The following MYLK variants were observed in gnomAD, a reference collection of about 807,000 sequenced individuals.
MYLK encodes the protein myosin light chain kinase, smooth muscle.
A neutral mutation model predicts 203.4 loss-of-function variants in MYLK; 106 were observed. That is an observed-to-expected ratio of 0.52 (90% CI 0.45 to 0.61). The LOEUF is 0.61. Ranked by LOEUF, MYLK falls within the 20% of genes least tolerant of loss-of-function variation. The probability of loss-of-function intolerance (pLI) is 0.00; values close to 1 mark genes in which losing one functional copy is unlikely to be tolerated. For missense variants in MYLK, 2,072 were observed against 2,442.3 expected (o/e 0.85, Z 3.20); for synonymous variants, 867 against 959.5 (o/e 0.90, Z 1.78).
chr3:123,875,390 AT>A (rs1370427787), intron 2 of MYLK, among the ~76,000 whole-genome samples: 3 of 152,194 alleles, frequency 2.0e-5, no homozygotes, highest in Non-Finnish European at 4.4e-5. Flanking sequence ...CCATGACTCC[AT>A]TTATATGACA....
At chr3:123,881,710 CAT>C (rs2033552502) in intron 1 of MYLK, among the ~76,000 whole-genome samples, 1 of 152,126 alleles carries the variant, frequency 6.6e-6, no homozygotes, top group Non-Finnish European at 1.5e-5. Flanking sequence ...ACTCTAGGCT[CAT>C]CTTATATTTT....
At position 123,700,383 on chromosome 3, in the gene MYLK, C is replaced by T. The variant is rs1302330903; in HGVS notation, c.3085G>A (p.Ala1029Thr). 4 of 1,613,628 alleles carry T rather than the reference C, an allele frequency of 2.5e-6. No individual in the cohort carries two copies. The highest frequency in any genetic ancestry group is 2.2e-5 in the East Asian group (1 of 44,844). The change falls in exon 18 of 34, where the codon GCC (alanine) becomes ACC (threonine). Residue 1029 changes from alanine to threonine, a missense_variant. By Grantham distance (58) the Ala-to-Thr change is moderately conservative. Transcript: ENST00000360304. ...GGCTTCAGGGTCTCAGCAGGCTTGGCGTTGCCCACGGGTTTCAAGGGCCCT... is the reference window on the plus strand; with the variant it reads ...GGCTTCAGGGTCTCAGCAGGCTTGGTGTTGCCCACGGGTTTCAAGGGCCCT... ...PSGPLKPVGN[A>T]KPAETLKPMG...
At chr3:123,866,898 G>A (rs1359875708) in intron 2 of MYLK, among the ~76,000 whole-genome samples, 3 of 152,152 alleles carry the variant, frequency 2.0e-5, no homozygotes, top group African/African-American at 7.2e-5. Context: ...AGGCCATGGT[G>A]TTCCAGGTAG....
intron 33 of MYLK, among the ~76,000 whole-genome samples, chr3:123,615,534 A>C (rs2057432690): frequency 6.6e-6 from 1 of 151,746 alleles, no homozygotes; most frequent in South Asian, 2.1e-4. Flanking sequence ...GGGTTTCAGC[A>C]TGTTGACCAG....
At chr3:123,766,910 T>C (rs942916076) in intron 4 of MYLK, among the ~76,000 whole-genome samples, 1 of 152,216 alleles carries the variant, frequency 6.6e-6, no homozygotes, top group African/African-American at 2.4e-5. Flanking sequence ...GGTTGTTCTC[T>C]GGGTATTTGT....
chr3:123,718,547 G>C (rs910205416), intron 13 of MYLK, among the ~76,000 whole-genome samples: 2 of 152,194 alleles, frequency 1.3e-5, no homozygotes, highest in African/African-American at 4.8e-5. Flanking sequence ...AGAGGCTGCT[G>C]TCTTGCTACT....
chr3:123,695,903 T>G (rs951430740), intron 18 of MYLK, among the ~76,000 whole-genome samples: 3 of 151,956 alleles, frequency 2.0e-5, no homozygotes, highest in African/African-American at 7.3e-5. Flanking sequence ...CCACCACCCC[T>G]CAGCAGAGGC....
chr3:123,667,273 A>C, intron 20 of MYLK, 86 bp from the exon 21 acceptor site: 1 of 1,292,296 alleles, frequency 7.7e-7, no homozygotes, highest in Non-Finnish European at 1.1e-6. Context: ...AGTCTTGTCC[A>C]CTGGCCCCTC....
In MYLK at chr3:123,870,639, T is replaced by G. The variant is rs560305818; in HGVS notation, c.-127+5920A>C. Among the ~76,000 whole-genome samples the G allele has an allele frequency of 2.8e-4, 43 of 152,362 alleles. 1 individual carries two copies. The highest frequency in any genetic ancestry group is 6.8e-3 in the Middle Eastern group (2 of 294). On this transcript the variant is annotated intron_variant, in intron 2 of 33. Transcript: ENST00000360304. ...AATGTAATTCACCACATTAGTAGAC[T>G]AAAGCAGGTAGGTGTAGGCAAACTA...
Position 123,733,920 on chromosome 3 carries a change from G to A in MYLK, c.1076C>T (p.Pro359Leu). The change falls in exon 10 of 34, where the codon CCA becomes CTA. Residue 359 changes from proline to leucine, a missense_variant. Physicochemically the swap from Pro to Leu is moderately conservative, Grantham distance 98. Coordinates refer to ENST00000360304, the MANE Select transcript of MYLK (RefSeq NM_053025.4). ...AARVQPEPRA[P>L]GLGVLSPSGE... The stretch of plus-strand genomic sequence containing the variant: ...AGAAGGTGATAGGACCCCCAGGCCT[G>A]GTGCTCTTGGTTCCGGCTGAACTCT... The A allele has an allele frequency of 6.2e-7, 1 of 1,614,208 alleles. No homozygotes were observed.
At chr3:123,785,720 TC>T (rs1241833303) in intron 4 of MYLK, among the ~76,000 whole-genome samples, 1 of 152,234 alleles carries the variant, frequency 6.6e-6, no homozygotes, top group Non-Finnish European at 1.5e-5. Context: ...GAAAGGACAT[TC>T]TATGATAATG....
intron 18 of MYLK, among the ~76,000 whole-genome samples, chr3:123,696,393 G>T (rs2060926872): frequency 6.6e-6 from 1 of 152,030 alleles, no homozygotes. Flanking sequence ...GAGCAAAAAG[G>T]GCTCCAAGTC....
In MYLK at chr3:123,733,931, T is replaced by C. The variant is rs1451454116; in HGVS notation, c.1065A>G (p.Glu355=). 6.2e-7 allele frequency: 1 copy of C among 1,614,176 alleles called. No individual in the cohort carries two copies. The highest frequency in any genetic ancestry group is 2.2e-5 in the East Asian group (1 of 44,876). ...ITLQAARVQP[E]PRAPGLGVLS... ...GGACCCCCAGGCCTGGTGCTCTTGG[T>C]TCCGGCTGAACTCTTGCGGCCTGCA... The change falls in exon 10 of 34, where the codon GAA becomes GAG. Residue 355 remains glutamate (E), a synonymous_variant. Coordinates refer to ENST00000360304, the MANE Select transcript of MYLK (RefSeq NM_053025.4).
intron 5 of MYLK, among the ~76,000 whole-genome samples, chr3:123,743,790 C>T (rs546029987): frequency 3.3e-5 from 5 of 152,208 alleles, no homozygotes; most frequent in African/African-American, 9.6e-5. Flanking sequence ...AAGACTGAAT[C>T]GGGTCAGAAC....
chr3:123,817,622 A>G (rs983335725), intron 3 of MYLK, among the ~76,000 whole-genome samples: 1 of 152,100 alleles, frequency 6.6e-6, no homozygotes, highest in African/African-American at 2.4e-5. Flanking sequence ...AGAACCACAG[A>G]ATCTTATTCT....
chr3:123,836,449 C>T (rs1359473182), intron 2 of MYLK, among the ~76,000 whole-genome samples: 1 of 152,160 alleles, frequency 6.6e-6, no homozygotes, highest in Non-Finnish European at 1.5e-5. Context: ...CTCTTCTACA[C>T]CTTGCTTTAT....
Position 123,832,032 on chromosome 3 carries a change from T to C in MYLK, c.-126-362A>G, listed in dbSNP as rs373935807. Reference sequence around the variant, plus strand: ...GCAGGTGAAAGGCAGTGCAGGTAGGTGGCTGTTGGGGCATTCTGGAGGGAG... The same window carrying C: ...GCAGGTGAAAGGCAGTGCAGGTAGGCGGCTGTTGGGGCATTCTGGAGGGAG... On this transcript the variant is annotated intron_variant, in intron 2 of 33. Coordinates refer to ENST00000360304, the MANE Select transcript of MYLK (RefSeq NM_053025.4). 5.3e-5 allele frequency among the ~76,000 whole-genome samples: 8 copies of C among 152,140 alleles called. 1 individual carries two copies. In the South Asian group the frequency reaches 1.7e-3, roughly 32 times the overall value.
chr3:123,743,668 T>G (rs866982441), intron 5 of MYLK, among the ~76,000 whole-genome samples: 2 of 152,224 alleles, frequency 1.3e-5, no homozygotes, highest in Middle Eastern at 3.4e-3. Context: ...CGGTATTTGA[T>G]CTTAGATTTT....
intron 33 of MYLK, among the ~76,000 whole-genome samples, chr3:123,615,913 T>C (rs1008758268): frequency 6.6e-6 from 1 of 152,232 alleles, no homozygotes; most frequent in Non-Finnish European, 1.5e-5. Context: ...CCTTCCAAAG[T>C]GTTGGGATTA....
Sources: gnomAD v4.1 joint callset for allele counts (sites outside exome capture counted in the v4.1 genomes callset) on GRCh38, gnomAD v4.1.1 for gene constraint, MANE v1.5 for transcripts, NCBI Gene and HGNC (gene_info 2026-07-23, HGNC 2026-07-21) for gene names.